The following DCDC1 variants were observed in gnomAD, a reference collection of about 807,000 sequenced individuals.
The protein encoded by DCDC1 is doublecortin domain containing 1.
DCDC1 carries 200 observed loss-of-function variants against 178.3 expected under a neutral mutation model. The observed-to-expected ratio is 1.12, with a 90% CI of 1.00 to 1.26. The LOEUF (loss-of-function observed/expected upper bound fraction) is 1.26. DCDC1 is among the 50% of genes most tolerant of loss of function. The pLI, the probability that DCDC1 is intolerant of heterozygous loss-of-function variation, is 0.00. For missense variants in DCDC1, 1,983 were observed against 1,749.2 expected, an observed-to-expected ratio of 1.13 and a Z score of -2.38; for synonymous variants, 690 against 604.8, an observed-to-expected ratio of 1.14 and a Z score of -2.07.
At chr11:30,907,822 A>G (rs1478444602) in intron 29 of DCDC1, among the ~76,000 whole-genome samples, 1 of 152,178 alleles carries the variant, frequency 6.6e-6, no homozygotes, top group African/African-American at 2.4e-5. Flanking sequence ...CCAAGCAAAA[A>G]ATGGGTTTTT....
chr11:31,067,826 T>A (rs546010722), intron 18 of DCDC1, among the ~76,000 whole-genome samples: 1 of 152,190 alleles, frequency 6.6e-6, no homozygotes, highest in African/African-American at 2.4e-5. Context: ...TTATATGAAA[T>A]GTCCAGAATG....
At chr11:31,017,319 AGATAAG>A (rs1388946172) in intron 20 of DCDC1, among the ~76,000 whole-genome samples, 1 of 152,184 alleles carries the variant, frequency 6.6e-6, no homozygotes. Flanking sequence ...GAAGATACTC[AGATAAG>A]GACCTTATGA....
intron 9 of DCDC1, among the ~76,000 whole-genome samples, chr11:31,195,175 G>C (rs544669252): frequency 6.6e-6 from 1 of 152,172 alleles, no homozygotes; most frequent in South Asian, 2.1e-4. Context: ...GAGCTCCCAA[G>C]GGAGGGAGGG....
At chr11:31,074,271 C>G (rs376137307) in intron 18 of DCDC1, among the ~76,000 whole-genome samples, 1 of 152,070 alleles carries the variant, frequency 6.6e-6, no homozygotes, top group East Asian at 1.9e-4. Context: ...TTTGGAGTTA[C>G]GGGAAGCTGT....
At position 30,922,558 on chromosome 11, in the gene DCDC1, G is replaced by T; in HGVS notation, c.3078C>A (p.Asn1026Lys). ...AQQKKQIFLR[N>K]LESDIAKIQI... The stretch of plus-strand genomic sequence containing the variant: ...GAATTTTGGCAATGTCTGATTCTAG[G>T]TTCCTCAGGAATATTTGTTTCTTTT... Residue 1026 changes from asparagine (N) to lysine (K), a missense_variant, in exon 24 of 39, where the codon AAC becomes AAA. Transcript: ENST00000684477. 4 of 1,585,112 alleles carry T rather than the reference G, an allele frequency of 2.5e-6. No individual in the cohort carries two copies. Among genetic ancestry groups the T allele is most frequent in the Non-Finnish European group, 3.4e-6 (4 of 1,170,010 alleles).
Position 31,307,715 on chromosome 11 carries a change from T to C in DCDC1, c.358A>G (p.Asn120Asp), listed in dbSNP as rs1565588867. ...EISDLDSYKS[N>D]SKNNSCSISA... ...ATAGAACAAGAATTGTTTTTACTGTTTGATTTGTAGCTATCTAGGTCTGAT... is the reference window on the plus strand; with the variant it reads ...ATAGAACAAGAATTGTTTTTACTGTCTGATTTGTAGCTATCTAGGTCTGAT... The change falls in exon 4 of 39, where the codon AAC becomes GAC. Residue 120 changes from asparagine (N) to aspartate (D), a missense_variant. Transcript: ENST00000684477. 2 of 1,614,120 alleles carry C rather than the reference T, an allele frequency of 1.2e-6. No homozygotes were observed. Among genetic ancestry groups the C allele is most frequent in the Non-Finnish European group, 1.7e-6 (2 of 1,179,976 alleles).
At chr11:31,277,448 T>C (rs893980764) in intron 7 of DCDC1, among the ~76,000 whole-genome samples, 1 of 152,126 alleles carries the variant, frequency 6.6e-6, no homozygotes, top group Non-Finnish European at 1.5e-5. Context: ...AAAAATGAGA[T>C]TGCAGGATTG....
intron 7 of DCDC1, among the ~76,000 whole-genome samples, chr11:31,275,730 T>C (rs1018273454): frequency 1.3e-5 from 2 of 152,262 alleles, no homozygotes; most frequent in Non-Finnish European, 2.9e-5. Context: ...TCTTGAACTC[T>C]TGACCTCAGG....
chr11:31,158,112 T>A (rs529853974), intron 9 of DCDC1, among the ~76,000 whole-genome samples: 2 of 152,210 alleles, frequency 1.3e-5, no homozygotes, highest in Admixed American at 1.3e-4. Context: ...TATTTTATTA[T>A]ATTTTTTTGT....
chr11:31,008,169 T>C (rs555217659), intron 20 of DCDC1, among the ~76,000 whole-genome samples: 2 of 152,024 alleles, frequency 1.3e-5, no homozygotes, highest in South Asian at 2.1e-4. Flanking sequence ...TTTCAGGGGA[T>C]AGGGAGGGGG....
intron 23 of DCDC1, among the ~76,000 whole-genome samples, chr11:30,924,160 T>C (rs1946445623): frequency 6.6e-6 from 1 of 152,186 alleles, no homozygotes; most frequent in Admixed American, 6.5e-5. Flanking sequence ...TTTAATGTAA[T>C]CTACCTTAAA....
chr11:31,094,623 T>C (rs987817837), intron 15 of DCDC1, among the ~76,000 whole-genome samples: 3 of 152,154 alleles, frequency 2.0e-5, no homozygotes, highest in African/African-American at 7.2e-5. Flanking sequence ...GGGGACAGTT[T>C]GACAGGAGTA....
intron 9 of DCDC1, among the ~76,000 whole-genome samples, chr11:31,174,055 C>T (rs1967638691): frequency 6.6e-6 from 1 of 152,156 alleles, no homozygotes; most frequent in Non-Finnish European, 1.5e-5. Context: ...CTTGCACTTC[C>T]CCAACGCGGG....
chr11:30,994,529 T>TTATATA (rs35280751), intron 20 of DCDC1, among the ~76,000 whole-genome samples: 7 of 145,178 alleles, frequency 4.8e-5, no homozygotes, highest in Non-Finnish European at 7.5e-5. Context: ...TGACCTCAAG[T>TTATATA]TATATATATA....
At chr11:30,872,882 C>A (rs1012932950) in intron 38 of DCDC1, among the ~76,000 whole-genome samples, 1 of 151,796 alleles carries the variant, frequency 6.6e-6, no homozygotes, top group Non-Finnish European at 1.5e-5. Context: ...CTTCTAAATG[C>A]CTCTCCTCCC....
At chr11:31,117,326 T>A (rs1960107715) in intron 11 of DCDC1, among the ~76,000 whole-genome samples, 1 of 151,876 alleles carries the variant, frequency 6.6e-6, no homozygotes, top group African/African-American at 2.4e-5. Context: ...ACAGGGTAGA[T>A]CCTACTTTTA....
intron 20 of DCDC1, among the ~76,000 whole-genome samples, chr11:31,022,147 A>AGGG (rs1952913755): frequency 6.6e-6 from 1 of 152,142 alleles, no homozygotes; most frequent in South Asian, 2.1e-4. Context: ...TAAATATCTC[A>AGGG]CAGTTCTAGG....
chr11:30,892,651 A>G (rs1943886508), intron 36 of DCDC1, among the ~76,000 whole-genome samples, 167 bp downstream of exon 36: 1 of 152,174 alleles, frequency 6.6e-6, no homozygotes, highest in Admixed American at 6.5e-5. Context: ...TCACACATAT[A>G]AGTTCATTCA....
rs11439632 is a variant in DCDC1 at position 31,034,143 on chromosome 11, CA to C, written c.2591+30325del. On this transcript the variant is annotated intron_variant, in intron 20 of 38. Transcript: ENST00000684477. ...TGGGCGACAGAGTGAGGCTCTGTCT[CA>C]AAAAAAAAAAAAAAAACCTTTAAAA... Among the ~76,000 whole-genome samples the C allele has an allele frequency of 1.4e-3, 143 of 102,100 alleles. No homozygotes were observed. The Middle Eastern group carries it at 0.024, about 17-fold the overall frequency. 67.0% of individuals were successfully genotyped at this position (102,100 alleles called of 152,430 possible).
Sources: gnomAD v4.1 joint callset for allele counts (sites outside exome capture counted in the v4.1 genomes callset) on GRCh38, gnomAD v4.1.1 for gene constraint, MANE v1.5 for transcripts, NCBI Gene and HGNC (gene_info 2026-07-23, HGNC 2026-07-21) for gene names.